Variants in CATSPERT observed in about 807,000 individuals in gnomAD.
CATSPERT encodes catsper channel auxiliary subunit tau.
the CATSPERT span, among the ~76,000 whole-genome samples, chr2:201,506,268 AAAACAAACAAAC>A: frequency 2.0e-5 from 3 of 151,082 alleles, no homozygotes; most frequent in Non-Finnish European, 3.0e-5. Flanking sequence ...CTCCGTCTCA[AAAACAAACAAAC>A]AAACAAACAA....
chr2:201,603,385 T>C, the CATSPERT span: 1 of 840,570 alleles, frequency 1.2e-6, no homozygotes, highest in Non-Finnish European at 1.8e-6. Flanking sequence ...ACGTTGTTGG[T>C]TTTTCTCATT....
chr2:201,590,924 T>C, the CATSPERT span, among the ~76,000 whole-genome samples: 1 of 152,016 alleles, frequency 6.6e-6, no homozygotes, highest in East Asian at 1.9e-4. Context: ...TTCTCCCATT[T>C]TGTAGGTTGC....
At chr2:201,588,362 C>T in the CATSPERT span, among the ~76,000 whole-genome samples, 556 of 151,938 alleles carry the variant, frequency 3.7e-3, 8 homozygotes, top group African/African-American at 0.013. Context: ...TAAATGTGAT[C>T]AATCGCATAA....
the CATSPERT span, among the ~76,000 whole-genome samples, chr2:201,587,970 C>T: frequency 6.6e-6 from 1 of 152,130 alleles, no homozygotes; most frequent in Non-Finnish European, 1.5e-5. Flanking sequence ...CCTGAATAGA[C>T]CAATAACAAG....
At chr2:201,562,376 A>T in the CATSPERT span, among the ~76,000 whole-genome samples, 1 of 150,992 alleles carries the variant, frequency 6.6e-6, no homozygotes, top group Non-Finnish European at 1.5e-5. Flanking sequence ...TTTAGTAGAG[A>T]TGGGGTTTCA....
chr2:201,493,866 G>T, the CATSPERT span: 13 of 1,536,392 alleles, frequency 8.5e-6, no homozygotes, highest in African/African-American at 1.4e-5. Flanking sequence ...CATCAGCTTC[G>T]AAGTGTTTTT....
the CATSPERT span, chr2:201,491,283 C>A: frequency 6.5e-7 from 1 of 1,537,832 alleles, no homozygotes; most frequent in Non-Finnish European, 8.7e-7. Flanking sequence ...TGTTAAATGA[C>A]TTTTTTGGTT....
At chr2:201,547,992 C>T in the CATSPERT span, among the ~76,000 whole-genome samples, 9 of 152,132 alleles carry the variant, frequency 5.9e-5, no homozygotes, top group African/African-American at 1.9e-4. Flanking sequence ...TTAAACTATA[C>T]GTCTTAGTCA....
At chr2:201,605,846 GA>G in the CATSPERT span, among the ~76,000 whole-genome samples, 1 of 152,032 alleles carries the variant, frequency 6.6e-6, no homozygotes, top group African/African-American at 2.4e-5. Context: ...AACAGAAGTT[GA>G]CCAAAGAGAA....
chr2:201,618,050 C>G, the CATSPERT span, among the ~76,000 whole-genome samples: 1 of 152,096 alleles, frequency 6.6e-6, no homozygotes, highest in Non-Finnish European at 1.5e-5. Context: ...ATTAAAAAGT[C>G]AGGAAACAAC....
chr2:201,522,695 G>A, the CATSPERT span, among the ~76,000 whole-genome samples: 2 of 152,234 alleles, frequency 1.3e-5, no homozygotes, highest in Non-Finnish European at 2.9e-5. Flanking sequence ...AGAGTTGGCA[G>A]GGACAGGGCT....
chr2:201,587,989 T>C, the CATSPERT span, among the ~76,000 whole-genome samples: 6 of 152,098 alleles, frequency 3.9e-5, no homozygotes, highest in South Asian at 1.0e-3. Context: ...AGCTCTGAAA[T>C]TGAAGCAATA....
chr2:201,552,086 C>A, the CATSPERT span, among the ~76,000 whole-genome samples: 2 of 151,704 alleles, frequency 1.3e-5, no homozygotes, highest in East Asian at 1.9e-4. Flanking sequence ...GGCTCCACCC[C>A]CCAGGCCCAA....
At chr2:201,617,500 G>T in the CATSPERT span, among the ~76,000 whole-genome samples, 2 of 152,130 alleles carry the variant, frequency 1.3e-5, no homozygotes, top group Non-Finnish European at 2.9e-5. Context: ...AAACTGGCTC[G>T]CCATACGTAG....
At chr2:201,508,439 G>T in the CATSPERT span, among the ~76,000 whole-genome samples, 7 of 152,144 alleles carry the variant, frequency 4.6e-5, no homozygotes, top group South Asian at 2.1e-4. Context: ...TACAATTGTG[G>T]TTTTTTTCCA....
At chr2:201,597,632 C>T in the CATSPERT span, among the ~76,000 whole-genome samples, 1 of 152,104 alleles carries the variant, frequency 6.6e-6, no homozygotes, top group African/African-American at 2.4e-5. Context: ...TGGAGCTCAC[C>T]GCTTGTGCTT....
At chr2:201,525,180 G>T in the CATSPERT span, among the ~76,000 whole-genome samples, 1 of 152,074 alleles carries the variant, frequency 6.6e-6, no homozygotes. Context: ...TGTGCATGTG[G>T]CACATGCTCT....
the CATSPERT span, among the ~76,000 whole-genome samples, chr2:201,564,155 A>T: frequency 6.6e-6 from 1 of 152,330 alleles, no homozygotes; most frequent in South Asian, 2.1e-4. Flanking sequence ...TGACTCTAGG[A>T]GTAAGAATAA....
chr2:201,535,937 ATTG>A, the CATSPERT span: 4 of 1,574,128 alleles, frequency 2.5e-6, no homozygotes, highest in Non-Finnish European at 3.5e-6. Flanking sequence ...CTAAGTTTAG[ATTG>A]TTGTTTTGCC....
Sources: allele counts gnomAD v4.1 joint callset (sites outside exome capture counted in the v4.1 genomes callset), GRCh38; gene constraint gnomAD v4.1.1; transcripts MANE v1.5; gene names NCBI Gene and HGNC (gene_info 2026-07-23, HGNC 2026-07-21).